The following ARHGEF38 variants were observed in gnomAD, a reference collection of about 807,000 sequenced individuals.
ARHGEF38 encodes the protein Rho guanine nucleotide exchange factor (GEF) 38.
A neutral mutation model predicts 79.9 loss-of-function variants in ARHGEF38; 79 were observed. The ratio of observed to expected loss-of-function variants is 0.99; its 90% CI spans 0.82 to 1.19. ARHGEF38 has a LOEUF of 1.19. Among genes scored for constraint, ARHGEF38 ranks in the 50% most tolerant of loss-of-function variants. The pLI is 0.00. For synonymous variants in ARHGEF38, 366 were observed against 328.3 expected (o/e 1.11, Z -1.24); for missense variants, 962 against 907.2 (o/e 1.06, Z -0.78).
At chr4:105,660,143 A>G (rs1730503237) in intron 10 of ARHGEF38, among the ~76,000 whole-genome samples, 1 of 152,122 alleles carries the variant, frequency 6.6e-6, no homozygotes, top group Non-Finnish European at 1.5e-5. Context: ...ATTAAATTGA[A>G]TAAACGAGGG....
chr4:105,673,552 G>A (rs1358371193), intron 13 of ARHGEF38, among the ~76,000 whole-genome samples: 1 of 152,114 alleles, frequency 6.6e-6, no homozygotes, highest in Admixed American at 6.6e-5. Context: ...TGTTTAGAAA[G>A]TGCTTAAAAA....
chr4:105,654,245 A>T, intron 8 of ARHGEF38, 76 bp downstream of exon 8: 2 of 881,960 alleles, frequency 2.3e-6, no homozygotes, highest in Non-Finnish European at 3.3e-6. Context: ...GGTTGTTTTG[A>T]AGAGTAAATG....
chr4:105,667,659 A>C lies in ARHGEF38; in HGVS notation c.2104A>C (p.Thr702Pro). ...TAGTGGCACATGTGGAAAGTTTGAA[A>C]CAAATGGTACTGATGTTGACAGTTT... Reference protein sequence around the residue: ...SLSGTCGKFETNGTDVDSFQE... With the variant: ...SLSGTCGKFEPNGTDVDSFQE... The change falls in exon 13 of 14, where the codon ACA becomes CCA. Residue 702 changes from threonine to proline, a missense_variant. By Grantham distance (38) the Thr-to-Pro change is conservative (BLOSUM62 -1). Coordinates refer to ENST00000420470, the MANE Select transcript of ARHGEF38 (RefSeq NM_001242729.2). 3.3e-6 allele frequency: 5 copies of C among 1,536,426 alleles called. No individual in the cohort carries two copies. The highest frequency in any genetic ancestry group is 4.4e-6 in the Non-Finnish European group (5 of 1,146,970).
chr4:105,639,591 T>C (rs886875286), intron 5 of ARHGEF38, among the ~76,000 whole-genome samples: 2 of 152,014 alleles, frequency 1.3e-5, no homozygotes, highest in African/African-American at 4.8e-5. Context: ...ATTGTTTTAT[T>C]TATGGCTAGT....
chr4:105,661,407 C>G (rs1433252111), intron 10 of ARHGEF38, among the ~76,000 whole-genome samples: 1 of 151,482 alleles, frequency 6.6e-6, no homozygotes, highest in Non-Finnish European at 1.5e-5. Flanking sequence ...AGACTGTTTT[C>G]CAAAGTGGCT....
chr4:105,636,788 A>C (rs1383958510), intron 5 of ARHGEF38, among the ~76,000 whole-genome samples: 2 of 152,128 alleles, frequency 1.3e-5, no homozygotes, highest in African/African-American at 4.8e-5. Context: ...AATGCATTTG[A>C]AGTTTCTATA....
intron 10 of ARHGEF38, 22 bp downstream of exon 10, chr4:105,659,387 A>G: frequency 1.3e-6 from 2 of 1,520,758 alleles, no homozygotes; most frequent in East Asian, 2.5e-5. Flanking sequence ...ACCAACACCT[A>G]GCTAGCTACC....
intron 1 of ARHGEF38, among the ~76,000 whole-genome samples, chr4:105,575,015 C>CACACACACACACACATATAT (rs1726426513): frequency 1.5e-4 from 2 of 13,308 alleles, no homozygotes; most frequent in Non-Finnish European, 3.7e-4. Context: ...CACATATATA[C>CACACACACACACACATATAT]ACACACACAC....
At chr4:105,576,407 C>CTTTTTTTTTTTTTTTTTCTT in intron 1 of ARHGEF38, among the ~76,000 whole-genome samples, 1 of 128,366 alleles carries the variant, frequency 7.8e-6, no homozygotes, top group Non-Finnish European at 1.7e-5. Flanking sequence ...TTCTTTTCTT[C>CTTTTTTTTTTTTTTTTTCTT]TTTTTTTTTT....
intron 1 of ARHGEF38, among the ~76,000 whole-genome samples, chr4:105,569,563 G>A (rs951890736): frequency 2.0e-5 from 3 of 152,140 alleles, no homozygotes; most frequent in South Asian, 4.1e-4. Context: ...TTTTTGAGAG[G>A]TTTCTGGTAT....
Position 105,609,147 on chromosome 4 carries a change from C to T in ARHGEF38, c.385-4237C>T, listed in dbSNP as rs144822052. On this transcript the variant is annotated intron_variant, in intron 2 of 13. Transcript: ENST00000420470. ...GGTAACTTTACAATTTCAGGTCTTA[C>T]GTTTAAGTCTTCATTTTGAGTTGAT... Among the ~76,000 whole-genome samples the T allele has an allele frequency of 3.7e-4, 56 of 152,112 alleles. No individual in the cohort carries two copies. The East Asian group carries it at 5.8e-3, about 16-fold the overall frequency.
chr4:105,590,493 T>G (rs1389135594), intron 2 of ARHGEF38, among the ~76,000 whole-genome samples: 1 of 152,248 alleles, frequency 6.6e-6, no homozygotes, highest in Non-Finnish European at 1.5e-5. Context: ...CATATATTTT[T>G]ACATAAATGT....
intron 1 of ARHGEF38, among the ~76,000 whole-genome samples, chr4:105,587,711 C>T (rs150259121): frequency 0.056 from 8,531 of 152,172 alleles, 278 homozygotes; most frequent in Middle Eastern, 0.085. Context: ...CTGCCTGCCT[C>T]GGCCTCCCAA....
At chr4:105,572,708 G>A (rs935730020) in intron 1 of ARHGEF38, among the ~76,000 whole-genome samples, 3 of 152,094 alleles carry the variant, frequency 2.0e-5, no homozygotes, top group Admixed American at 2.0e-4. Context: ...TATAACATAT[G>A]TCATAATTCC....
intron 1 of ARHGEF38, among the ~76,000 whole-genome samples, chr4:105,555,470 T>C (rs1725210460): frequency 6.6e-6 from 1 of 152,144 alleles, no homozygotes; most frequent in Admixed American, 6.6e-5. Flanking sequence ...ATACCCATTA[T>C]TATGCAGATG....
At chr4:105,579,663 G>A (rs1726681958) in intron 1 of ARHGEF38, among the ~76,000 whole-genome samples, 1 of 152,104 alleles carries the variant, frequency 6.6e-6, no homozygotes, top group Non-Finnish European at 1.5e-5. Context: ...TTGCATTGAT[G>A]TTCACCAAGG....
At chr4:105,556,593 G>A (rs956778707) in intron 1 of ARHGEF38, among the ~76,000 whole-genome samples, 1 of 152,018 alleles carries the variant, frequency 6.6e-6, no homozygotes, top group African/African-American at 2.4e-5. Context: ...TTGTTTCCTT[G>A]TTTATCACCT....
At chr4:105,594,409 T>C (rs553023254) in intron 2 of ARHGEF38, among the ~76,000 whole-genome samples, 1 of 152,214 alleles carries the variant, frequency 6.6e-6, no homozygotes, top group South Asian at 2.1e-4. Context: ...AGTTTTCAGA[T>C]AACTATAGCA....
intron 2 of ARHGEF38, among the ~76,000 whole-genome samples, chr4:105,601,082 T>G (rs542241865): frequency 6.6e-6 from 1 of 152,294 alleles, no homozygotes; most frequent in South Asian, 2.1e-4. Flanking sequence ...TATGTCACTC[T>G]TCTACTCAAA....
Sources: gnomAD v4.1 joint callset for allele counts (sites outside exome capture counted in the v4.1 genomes callset) on GRCh38, gnomAD v4.1.1 for gene constraint, MANE v1.5 for transcripts, NCBI Gene and HGNC (gene_info 2026-07-23, HGNC 2026-07-21) for gene names.